The following RCOR1 variants were observed in gnomAD, a reference collection of about 807,000 sequenced individuals.
RCOR1 encodes REST corepressor 1.
In RCOR1, 12 loss-of-function variants were observed where a neutral mutation model predicts 64.0. The ratio of observed to expected loss-of-function variants is 0.19; its 90% CI spans 0.12 to 0.30. The LOEUF (loss-of-function observed/expected upper bound fraction) is 0.30, where lower values mean the gene tolerates loss of function less well. Among genes scored for constraint, RCOR1 ranks in the 10% least tolerant of loss-of-function variants. RCOR1 has a pLI of 1.00. For synonymous variants in RCOR1, 279 were observed against 227.2 expected, an observed-to-expected ratio of 1.23 and a Z score of -2.05; for missense variants, 502 against 621.2, an observed-to-expected ratio of 0.81 and a Z score of 2.04.
At chr14:102,713,142 C>T (rs571762043) in intron 7 of RCOR1, among the ~76,000 whole-genome samples, 1 of 150,660 alleles carries the variant, frequency 6.6e-6, no homozygotes, top group African/African-American at 2.4e-5. Context: ...TTACTAGAGA[C>T]GGAGTTTCAC....
intron 2 of RCOR1, among the ~76,000 whole-genome samples, chr14:102,676,365 C>T (rs1387762032): frequency 1.0e-4 from 14 of 138,984 alleles, no homozygotes; most frequent in East Asian, 8.8e-4. Flanking sequence ...CCCTCCCGGA[C>T]GGGGCGGCTG....
chr14:102,653,836 C>G (rs1894644452), intron 2 of RCOR1, among the ~76,000 whole-genome samples: 1 of 151,962 alleles, frequency 6.6e-6, no homozygotes, highest in Non-Finnish European at 1.5e-5. Context: ...ATGCCAGCAT[C>G]ATGCTTCCTG....
At chr14:102,613,417 T>G (rs1205193555) in intron 2 of RCOR1, among the ~76,000 whole-genome samples, 1 of 151,736 alleles carries the variant, frequency 6.6e-6, no homozygotes, top group Non-Finnish European at 1.5e-5. Context: ...TTTTCTTTTT[T>G]AAACATATTT....
At chr14:102,678,135 T>C (rs1188466147) in intron 2 of RCOR1, among the ~76,000 whole-genome samples, 1 of 151,590 alleles carries the variant, frequency 6.6e-6, no homozygotes, top group Admixed American at 6.6e-5. Flanking sequence ...GAGGTTGCAG[T>C]GAGCCGAGAT....
At chr14:102,695,958 C>T (rs1895638407) in intron 3 of RCOR1, among the ~76,000 whole-genome samples, 1 of 151,978 alleles carries the variant, frequency 6.6e-6, no homozygotes, top group Non-Finnish European at 1.5e-5. Flanking sequence ...GATAATGGAA[C>T]TATCAGAGAA....
chr14:102,647,701 C>T (rs994425659), intron 2 of RCOR1, among the ~76,000 whole-genome samples: 4 of 152,052 alleles, frequency 2.6e-5, no homozygotes, highest in African/African-American at 4.8e-5. Flanking sequence ...ATTTTTGAGA[C>T]GGAGTCTCCA....
Position 102,681,127 on chromosome 14 carries a change from G to A in RCOR1, c.362-768G>A, listed in dbSNP as rs148715655. 9.4e-3 allele frequency among the ~76,000 whole-genome samples: 1,429 copies of A among 152,222 alleles called. 24 individuals are homozygous for A. Among genetic ancestry groups the A allele is most frequent in the African/African-American group, 0.033 (1,353 of 41,536 alleles). ...TTTCCTAGATTTTTGTTTATAGTAG[G>A]TTGTATGTTATATTTAGTTGCATTT... is the stretch of plus-strand genomic sequence containing the variant. On this transcript the variant is annotated intron_variant, in intron 2 of 11. Coordinates refer to ENST00000262241, the MANE Select transcript of RCOR1 (RefSeq NM_015156.4).
At chr14:102,693,678 CTCTT>C (rs1459518036) in intron 3 of RCOR1, among the ~76,000 whole-genome samples, 3 of 152,204 alleles carry the variant, frequency 2.0e-5, no homozygotes, top group Non-Finnish European at 4.4e-5. Context: ...AACACAGACT[CTCTT>C]TCATCTTTAA....
chr14:102,661,375 T>G (rs1233234672), intron 2 of RCOR1, among the ~76,000 whole-genome samples: 1 of 152,168 alleles, frequency 6.6e-6, no homozygotes, highest in Non-Finnish European at 1.5e-5. Flanking sequence ...AAGTCACTTA[T>G]AATTATGTGG....
intron 2 of RCOR1, among the ~76,000 whole-genome samples, chr14:102,609,316 T>TA (rs1893579215): frequency 6.6e-6 from 1 of 152,146 alleles, no homozygotes; most frequent in African/African-American, 2.4e-5. Flanking sequence ...GTGCTGGGAT[T>TA]ACAGATGTGA....
intron 4 of RCOR1, among the ~76,000 whole-genome samples, chr14:102,702,984 A>C (rs1461887149): frequency 1.3e-5 from 2 of 152,228 alleles, no homozygotes; most frequent in Non-Finnish European, 2.9e-5. Context: ...AGAAAAAATC[A>C]AGAAAATGAT....
chr14:102,655,110 CTTTTTTTTTTT>C (rs67404203), intron 2 of RCOR1: 1,942 of 104,564 alleles, frequency 0.019, 37 homozygotes, highest in Middle Eastern at 0.027. Context: ...CGCGGACAAC[CTTTTTTTTTTT>C]TTTTTTTTTT....
chr14:102,700,891 C>CT (rs1403468288), intron 3 of RCOR1, among the ~76,000 whole-genome samples: 1 of 152,130 alleles, frequency 6.6e-6, no homozygotes, highest in African/African-American at 2.4e-5. Context: ...GTTTAATGGA[C>CT]TTAGAGTTTC....
At chr14:102,695,730 T>C (rs966456993) in intron 3 of RCOR1, among the ~76,000 whole-genome samples, 1 of 149,952 alleles carries the variant, frequency 6.7e-6, no homozygotes, top group East Asian at 1.9e-4. Flanking sequence ...TTTTTTTTTT[T>C]AGTAGAGACG....
At chr14:102,610,621 G>C (rs1378476076) in intron 2 of RCOR1, among the ~76,000 whole-genome samples, 2 of 152,076 alleles carry the variant, frequency 1.3e-5, no homozygotes, top group Admixed American at 1.3e-4. Context: ...GGAGTGCAGT[G>C]GCGCCATCTC....
intron 3 of RCOR1, among the ~76,000 whole-genome samples, chr14:102,685,352 C>CT (rs1309253850): frequency 6.6e-6 from 1 of 151,312 alleles, no homozygotes; most frequent in African/African-American, 2.4e-5. Flanking sequence ...ATAATTTAGC[C>CT]TTTTTTTAAA....
intron 2 of RCOR1, among the ~76,000 whole-genome samples, chr14:102,653,518 G>A (rs1404816122): frequency 6.6e-6 from 1 of 152,172 alleles, no homozygotes; most frequent in Admixed American, 6.5e-5. Context: ...GTTCCTAAAA[G>A]GCTTGTGTTA....
chr14:102,656,179 G>T (rs565425112), intron 2 of RCOR1: 4 of 906,588 alleles, frequency 4.4e-6, no homozygotes, highest in Non-Finnish European at 5.3e-6. Context: ...TCGCTGTGTC[G>T]CCCAGACTGG....
intron 2 of RCOR1, among the ~76,000 whole-genome samples, chr14:102,634,647 TATATGTATATATATATACAC>T (rs2139914166): frequency 7.0e-6 from 1 of 143,540 alleles, no homozygotes; most frequent in African/African-American, 2.9e-5. Context: ...TATATATATA[TATATGTATATATATATACAC>T]ACACACGTAC....
Sources: gnomAD v4.1 joint callset for allele counts (sites outside exome capture counted in the v4.1 genomes callset) on GRCh38, gnomAD v4.1.1 for gene constraint, MANE v1.5 for transcripts, NCBI Gene and HGNC (gene_info 2026-07-23, HGNC 2026-07-21) for gene names.